The following C10orf67 variants were observed in gnomAD, a reference collection of about 807,000 sequenced individuals.
C10orf67 encodes uncharacterized protein C10orf67, mitochondrial.
In C10orf67, 60 loss-of-function variants were observed where a neutral mutation model predicts 35.6. The ratio of observed to expected loss-of-function variants is 1.68; its 90% CI spans 1.37 to 2.09. The LOEUF is 2.09. Among genes scored for constraint, C10orf67 ranks in the 30% most tolerant of loss-of-function variants. The pLI is 0.00. For synonymous variants in C10orf67, 167 were observed against 115.8 expected, an observed-to-expected ratio of 1.44 and a Z score of -2.84; for missense variants, 474 against 330.2, an observed-to-expected ratio of 1.44 and a Z score of -3.38.
At chr10:23,297,983 T>C (rs1035787189) in intron 5 of C10orf67, among the ~76,000 whole-genome samples, 3 of 152,006 alleles carry the variant, frequency 2.0e-5, no homozygotes, top group African/African-American at 7.3e-5. Context: ...CGGCCGGGCA[T>C]GTTGGCTCAC....
intron 10 of C10orf67, among the ~76,000 whole-genome samples, chr10:23,260,035 G>C (rs1842706014): frequency 6.6e-6 from 1 of 151,986 alleles, no homozygotes; most frequent in Non-Finnish European, 1.5e-5. Context: ...AGAAGTTCAA[G>C]ATAAATAGAA....
chr10:23,343,822 A>G (rs1846017025), intron 1 of C10orf67: 4 of 403,732 alleles, frequency 9.9e-6, no homozygotes, highest in Admixed American at 6.1e-5. Context: ...GGCTGGAGCA[A>G]GGGGCCTGGA....
chr10:23,234,627 A>G (rs1299097580), intron 13 of C10orf67, among the ~76,000 whole-genome samples: 1 of 152,102 alleles, frequency 6.6e-6, no homozygotes, highest in Non-Finnish European at 1.5e-5. Context: ...AACCCCCATG[A>G]TACAAGTTTA....
chr10:23,279,248 A>G (rs1205280809), intron 8 of C10orf67, among the ~76,000 whole-genome samples: 3 of 152,248 alleles, frequency 2.0e-5, no homozygotes, highest in Non-Finnish European at 4.4e-5. Context: ...TCTGCCTTCC[A>G]TGGCATACAG....
In C10orf67 at chr10:23,212,447, G is replaced by A. The variant is rs147172631; in HGVS notation, c.1571-8192C>T. Among the ~76,000 whole-genome samples, 1,339 of 152,312 alleles carry A rather than the reference G, an allele frequency of 8.8e-3. 12 individuals carry two copies. The highest frequency in any genetic ancestry group is 0.013 in the Non-Finnish European group (889 of 68,030). ...AGAATAAAGCTCATATTTGGTAACA[G>A]AAGCTAAATGTGCTTCATGCTGGGT... On this transcript the variant is annotated intron_variant, in intron 15 of 15. Coordinates refer to ENST00000636213, the MANE Select transcript of C10orf67 (RefSeq NM_001371909.1).
At chr10:23,261,763 T>C (rs1295851205) in intron 10 of C10orf67, among the ~76,000 whole-genome samples, 1 of 152,080 alleles carries the variant, frequency 6.6e-6, no homozygotes, top group Non-Finnish European at 1.5e-5. Flanking sequence ...TGTTCAGATA[T>C]GCAAATGGGA....
At chr10:23,270,064 A>G (rs1203218194) in intron 8 of C10orf67, among the ~76,000 whole-genome samples, 1 of 152,192 alleles carries the variant, frequency 6.6e-6, no homozygotes, top group Non-Finnish European at 1.5e-5. Flanking sequence ...TGTCCCATGA[A>G]AGACTATATA....
At chr10:23,297,131 C>A (rs985282687) in intron 5 of C10orf67, among the ~76,000 whole-genome samples, 1 of 152,100 alleles carries the variant, frequency 6.6e-6, no homozygotes, top group Non-Finnish European at 1.5e-5. Flanking sequence ...GAGGGGATTA[C>A]CCCATACTAG....
chr10:23,277,665 T>C (rs1284942089), intron 8 of C10orf67, among the ~76,000 whole-genome samples: 3 of 152,096 alleles, frequency 2.0e-5, no homozygotes, highest in Non-Finnish European at 4.4e-5. Context: ...TTATAAACAA[T>C]ATGCCATTTA....
At chr10:23,322,639 A>C in intron 2 of C10orf67, 102 bp from the exon 3 acceptor site, 1 of 707,182 alleles carries the variant, frequency 1.4e-6, no homozygotes, top group Non-Finnish European at 2.3e-6. Context: ...ATGAGAACTC[A>C]TGTGCACAAA....
chr10:23,308,545 C>T (rs1263215316), intron 4 of C10orf67, among the ~76,000 whole-genome samples: 3 of 152,176 alleles, frequency 2.0e-5, no homozygotes, highest in Non-Finnish European at 2.9e-5. Flanking sequence ...CGGCATCCAA[C>T]TTCTCAGAAA....
intron 8 of C10orf67, among the ~76,000 whole-genome samples, chr10:23,273,341 GAGGT>G (rs1290234654): frequency 1.3e-5 from 2 of 152,188 alleles, no homozygotes; most frequent in Non-Finnish European, 2.9e-5. Flanking sequence ...ATCAGCTTGA[GAGGT>G]TCTCTTCTAT....
intron 1 of C10orf67, among the ~76,000 whole-genome samples, chr10:23,343,175 GTC>G (rs2132428095): frequency 6.6e-6 from 1 of 152,338 alleles, no homozygotes. Context: ...GTCTGAGTGT[GTC>G]TCCTGAAAAT....
At chr10:23,284,866 T>A (rs966962716) in intron 7 of C10orf67, among the ~76,000 whole-genome samples, 1 of 152,212 alleles carries the variant, frequency 6.6e-6, no homozygotes, top group Non-Finnish European at 1.5e-5. Flanking sequence ...AGTCCCTATC[T>A]CACTGCCCTG....
chr10:23,310,566 G>C (rs1172263466), intron 4 of C10orf67, among the ~76,000 whole-genome samples: 1 of 152,144 alleles, frequency 6.6e-6, no homozygotes, highest in African/African-American at 2.4e-5. Flanking sequence ...TTCTGTCCTA[G>C]GACCTGCCCT....
chr10:23,322,276 G>C (rs1220685943), intron 3 of C10orf67, 118 bp downstream of exon 3: 1 of 1,073,708 alleles, frequency 9.3e-7, no homozygotes, highest in African/African-American at 1.6e-5. Flanking sequence ...TACCACATGA[G>C]ACACAACTAA....
intron 1 of C10orf67, among the ~76,000 whole-genome samples, chr10:23,336,046 G>C (rs1845668094): frequency 1.3e-5 from 2 of 152,194 alleles, no homozygotes; most frequent in South Asian, 2.1e-4. Flanking sequence ...GTCAGGCATA[G>C]AAGAACAGCA....
At position 23,320,028 on chromosome 10, in the gene C10orf67, G is replaced by A. The variant is rs148492187; in HGVS notation, c.546+713C>T. ...CAATCAGCAGCTGGTTGTTAATTAC[G>A]TACCAGTCACAGCGCTAAAGGCAGA... On this transcript the variant is annotated intron_variant, in intron 4 of 15. Transcript: ENST00000636213. 6.2e-3 allele frequency among the ~76,000 whole-genome samples: 946 copies of A among 152,250 alleles called. 5 individuals are homozygous for A. The highest frequency in any genetic ancestry group is 7.5e-3 in the Non-Finnish European group (509 of 68,014).
intron 4 of C10orf67, among the ~76,000 whole-genome samples, chr10:23,306,207 G>C (rs1321255132): frequency 2.0e-5 from 3 of 152,130 alleles, no homozygotes; most frequent in African/African-American, 7.2e-5. Context: ...ATCCAAAAAA[G>C]TTGAACTTGA....
Sources: allele counts gnomAD v4.1 joint callset (sites outside exome capture counted in the v4.1 genomes callset), GRCh38; gene constraint gnomAD v4.1.1; transcripts MANE v1.5; gene names NCBI Gene and HGNC (gene_info 2026-07-23, HGNC 2026-07-21).